Variants in MAGI2 observed in about 807,000 individuals in gnomAD.
MAGI2 encodes the protein membrane associated guanylate kinase, WW and PDZ domain containing 2.
A neutral mutation model predicts 133.3 loss-of-function variants in MAGI2; 35 were observed. The observed-to-expected ratio is 0.26, with a 90% CI of 0.20 to 0.35. MAGI2 has a LOEUF of 0.35. MAGI2 is among the 10% of genes least tolerant of loss of function. The probability of loss-of-function intolerance (pLI) is 1.00; values close to 1 mark genes in which losing one functional copy is unlikely to be tolerated. For synonymous variants in MAGI2, 729 were observed against 710.6 expected, an observed-to-expected ratio of 1.03 and a Z score of -0.41; for missense variants, 1,636 against 1,863.4, an observed-to-expected ratio of 0.88 and a Z score of 2.25.
At chr7:78,233,229 A>G (rs566981714) in intron 10 of MAGI2, among the ~76,000 whole-genome samples, 1 of 152,294 alleles carries the variant, frequency 6.6e-6, no homozygotes, top group African/African-American at 2.4e-5. Flanking sequence ...CAAAAAGGTT[A>G]ACAAGCAACA....
At chr7:78,928,799 G>C (rs17151709) in intron 2 of MAGI2, among the ~76,000 whole-genome samples, 1,812 of 152,016 alleles carry the variant, frequency 0.012, 38 homozygotes, top group African/African-American at 0.042. Flanking sequence ...TATATTGATA[G>C]GAAAATTCAA....
chr7:79,204,013 A>C (rs2129552138), intron 1 of MAGI2, among the ~76,000 whole-genome samples: 1 of 152,138 alleles, frequency 6.6e-6, no homozygotes, highest in East Asian at 1.9e-4. Flanking sequence ...GAGGGTAAGG[A>C]TGTCAGTATT....
rs111376903 is a variant in MAGI2 at position 78,093,122 on chromosome 7, C to T, written c.3568-14037G>A. Among the ~76,000 whole-genome samples, 473 of 94,126 alleles carry T rather than the reference C, an allele frequency of 5.0e-3. 3 individuals are homozygous for T. The highest frequency in any genetic ancestry group is 0.01 in the Admixed American group (63 of 6,170). The allele number at this position is 94,126 out of a possible 152,430, so 61.8% of individuals were successfully genotyped here. ...CTGCACTCCAGCCTGGGTGACAGAG[C>T]GGGACTCCTTCTCCAAAAAAAAAAA... On this transcript the variant is annotated intron_variant, in intron 20 of 21. Transcript: ENST00000354212.
chr7:78,263,257 G>A (rs1013292077), intron 9 of MAGI2, among the ~76,000 whole-genome samples: 42 of 152,082 alleles, frequency 2.8e-4, no homozygotes, highest in Non-Finnish European at 4.4e-4. Flanking sequence ...CTTTGCTATT[G>A]TGAAGAGCAC....
intron 1 of MAGI2, among the ~76,000 whole-genome samples, chr7:79,333,215 C>T (rs1294459754): frequency 9.9e-5 from 15 of 152,136 alleles, no homozygotes; most frequent in Non-Finnish European, 2.1e-4. Flanking sequence ...CCTCCACCCC[C>T]GGTCCCAGTT....
At chr7:78,650,725 A>G (rs1811472758) in intron 2 of MAGI2, among the ~76,000 whole-genome samples, 1 of 152,132 alleles carries the variant, frequency 6.6e-6, no homozygotes, top group African/African-American at 2.4e-5. Flanking sequence ...TCCTCCCTTC[A>G]CTAAGTATTT....
intron 15 of MAGI2, among the ~76,000 whole-genome samples, chr7:78,167,115 C>T (rs1280560170): frequency 6.6e-6 from 1 of 152,112 alleles, no homozygotes; most frequent in East Asian, 1.9e-4. Flanking sequence ...ATTGGAGCTG[C>T]TGCCCCTGTG....
chr7:78,400,720 T>G lies in MAGI2; in HGVS notation c.1046-31507A>C, dbSNP rs183214734. Among the ~76,000 whole-genome samples the G allele has an allele frequency of 6.8e-4, 104 of 152,326 alleles. 2 individuals carry two copies. In the East Asian group the frequency reaches 0.02, roughly 29 times the overall value. On this transcript the variant is annotated intron_variant, in intron 6 of 21. Coordinates refer to ENST00000354212, the MANE Select transcript of MAGI2 (RefSeq NM_012301.4). Reference sequence around the variant, plus strand: ...CGGGTCCATCATGATATTTTTAGGTTGGAAGTGACATGTGACATCATTATC... The same window carrying G: ...CGGGTCCATCATGATATTTTTAGGTGGGAAGTGACATGTGACATCATTATC...
intron 2 of MAGI2, among the ~76,000 whole-genome samples, chr7:78,719,553 G>A (rs1044164079): frequency 1.3e-5 from 2 of 152,210 alleles, no homozygotes; most frequent in South Asian, 2.1e-4. Flanking sequence ...AATTATGATC[G>A]TGTATTGGGG....
intron 2 of MAGI2, among the ~76,000 whole-genome samples, chr7:78,689,874 T>C (rs186380635): frequency 5.5e-4 from 84 of 152,224 alleles, no homozygotes; most frequent in Admixed American, 5.2e-3. Flanking sequence ...TTAGAGCTGT[T>C]ATGAACTTTC....
chr7:79,151,929 A>G (rs1329320919), intron 1 of MAGI2, among the ~76,000 whole-genome samples: 1 of 152,164 alleles, frequency 6.6e-6, no homozygotes, highest in Non-Finnish European at 1.5e-5. Flanking sequence ...GTAGATTGTG[A>G]TAGAACATGA....
At chr7:78,302,123 A>G (rs1198569903) in intron 9 of MAGI2, among the ~76,000 whole-genome samples, 1 of 152,244 alleles carries the variant, frequency 6.6e-6, no homozygotes, top group East Asian at 1.9e-4. Context: ...GCATAAAATT[A>G]GTGCCTGAAA....
At chr7:79,377,172 T>G (rs969338740) in intron 1 of MAGI2, among the ~76,000 whole-genome samples, 1 of 151,896 alleles carries the variant, frequency 6.6e-6, no homozygotes, top group African/African-American at 2.4e-5. Flanking sequence ...GGGCTGGTCT[T>G]TGAAATGGGA....
At chr7:79,407,369 C>A (rs910439917) in intron 1 of MAGI2, among the ~76,000 whole-genome samples, 3 of 152,274 alleles carry the variant, frequency 2.0e-5, no homozygotes, top group East Asian at 3.9e-4. Flanking sequence ...ATCTCAGCTC[C>A]TAGCCTTAAT....
chr7:79,189,718 C>T (rs1172169070), intron 1 of MAGI2, among the ~76,000 whole-genome samples: 1 of 151,624 alleles, frequency 6.6e-6, no homozygotes, highest in East Asian at 1.9e-4. Flanking sequence ...AATTGTCTTC[C>T]ATTACAGTTT....
At chr7:78,727,472 T>C (rs1007190455) in intron 2 of MAGI2, among the ~76,000 whole-genome samples, 2 of 152,224 alleles carry the variant, frequency 1.3e-5, no homozygotes, top group Non-Finnish European at 2.9e-5. Context: ...CTATCAGAAC[T>C]TTCAAGGCAA....
intron 3 of MAGI2, among the ~76,000 whole-genome samples, chr7:78,529,406 T>G (rs1183564583): frequency 6.6e-6 from 1 of 152,166 alleles, no homozygotes; most frequent in Non-Finnish European, 1.5e-5. Flanking sequence ...CTGCGCCAGA[T>G]AGCAGACGGA....
intron 3 of MAGI2, among the ~76,000 whole-genome samples, chr7:78,541,708 T>C (rs1023915039): frequency 1.3e-5 from 2 of 152,208 alleles, no homozygotes; most frequent in Non-Finnish European, 2.9e-5. Context: ...TGGGTCACTC[T>C]AGGTCATTAG....
chr7:79,251,344 A>T (rs143872582), intron 1 of MAGI2, among the ~76,000 whole-genome samples: 70 of 152,298 alleles, frequency 4.6e-4, no homozygotes, highest in African/African-American at 1.6e-3. Context: ...CCATCTGACA[A>T]GAGATTATTA....
Sources: gnomAD v4.1 joint callset for allele counts (sites outside exome capture counted in the v4.1 genomes callset) on GRCh38, gnomAD v4.1.1 for gene constraint, MANE v1.5 for transcripts, NCBI Gene and HGNC (gene_info 2026-07-23, HGNC 2026-07-21) for gene names.